ARHGEF12: variants seen among roughly 807,000 people sequenced by gnomAD.
The protein encoded by ARHGEF12 is KMT2A/ARHGEF12 fusion protein.
A neutral mutation model predicts 211.2 loss-of-function variants in ARHGEF12; 66 were observed. That is an observed-to-expected ratio of 0.31 (90% confidence interval 0.26 to 0.38). ARHGEF12 has a LOEUF of 0.38. ARHGEF12 is among the 10% of genes least tolerant of loss of function. The pLI, the probability that ARHGEF12 is intolerant of heterozygous loss-of-function variation, is 1.00. For synonymous variants in ARHGEF12, 592 were observed against 638.4 expected, an observed-to-expected ratio of 0.93 and a Z score of 1.09; for missense variants, 1,429 against 1,869.5, an observed-to-expected ratio of 0.76 and a Z score of 4.34.
intron 7 of ARHGEF12, among the ~76,000 whole-genome samples, 187 bp downstream of exon 7, chr11:120,424,602 C>G (rs1050853634): frequency 6.6e-6 from 1 of 152,164 alleles, no homozygotes; most frequent in Non-Finnish European, 1.5e-5. Context: ...TGTGGCTGAG[C>G]TTCAGTAAAA....
Position 120,489,390 on chromosome 11 carries a change from T to A in ARHGEF12, c.*4313T>A, listed in dbSNP as rs1947479064. ...ATTTGCTATTGTAACTATTTTTAAG[T>A]ATAAAGTTCAGTGAGGTAGGCCAGC... is the stretch of plus-strand genomic sequence containing the variant. On this transcript the variant is annotated 3_prime_UTR_variant, in exon 41 of 41. Coordinates refer to ENST00000397843, the MANE Select transcript of ARHGEF12 (RefSeq NM_015313.3). 4.5e-6 allele frequency: 1 copy of A among 224,418 alleles called. No individual in the cohort carries two copies. Among genetic ancestry groups the A allele is most frequent in the African/African-American group, 2.2e-5 (1 of 44,916 alleles). The allele number at this position is 224,418 out of a possible 1,614,324, so 13.9% of individuals were successfully genotyped here. A position where few individuals can be genotyped will look rare whatever the true frequency, so the allele number is the denominator to read the frequency against.
At chr11:120,337,873 A>G in intron 1 of ARHGEF12, 1 of 985,432 alleles carries the variant, frequency 1.0e-6, no homozygotes, top group Non-Finnish European at 1.2e-6. Context: ...AATGAGGGTA[A>G]ATCATGGGGT....
rs1458575928 is a variant in ARHGEF12, at chr11:120,485,284, A to C, written c.*207A>C. Reference sequence around the variant, plus strand: ...TGCACTAATCTGTTTGTGAGGGAATATCCATTCCCTCACTCTACTCTCCTC... The same window carrying C: ...TGCACTAATCTGTTTGTGAGGGAATCTCCATTCCCTCACTCTACTCTCCTC... On this transcript the variant is annotated 3_prime_UTR_variant, in exon 41 of 41. Transcript: ENST00000397843. The C allele has an allele frequency of 9.2e-6, 5 of 543,934 alleles. No individual in the cohort carries two copies. In the East Asian group the frequency reaches 1.5e-4, roughly 16 times the overall value. The allele number at this position is 543,934 out of a possible 1,614,324, so 33.7% of individuals were successfully genotyped here.
intron 1 of ARHGEF12, among the ~76,000 whole-genome samples, chr11:120,403,339 T>G (rs1018081853): frequency 5.3e-5 from 8 of 152,024 alleles, no homozygotes; most frequent in African/African-American, 1.7e-4. Flanking sequence ...AAACCCCGTC[T>G]CTACTAAAAA....
chr11:120,429,594 C>A, intron 9 of ARHGEF12, 77 bp downstream of exon 9: 1 of 1,565,546 alleles, frequency 6.4e-7, no homozygotes, highest in Non-Finnish European at 8.7e-7. Flanking sequence ...GTTTATCAGT[C>A]ACAATCAAGC....
At chr11:120,417,083 A>G (rs1945051678) in intron 4 of ARHGEF12, among the ~76,000 whole-genome samples, 1 of 152,156 alleles carries the variant, frequency 6.6e-6, no homozygotes, top group South Asian at 2.1e-4. Flanking sequence ...AACCCTTAAT[A>G]TTTGTTAGAC....
At chr11:120,447,125 G>A (rs1946069696) in intron 18 of ARHGEF12, 40 bp downstream of exon 18, 1 of 1,601,882 alleles carries the variant, frequency 6.2e-7, no homozygotes, top group African/African-American at 1.3e-5. Context: ...CCTCTCTGCT[G>A]AGATACTAGT....
intron 1 of ARHGEF12, among the ~76,000 whole-genome samples, chr11:120,363,796 G>T (rs936626392): frequency 6.6e-6 from 1 of 152,154 alleles, no homozygotes; most frequent in Non-Finnish European, 1.5e-5. Flanking sequence ...GAGTCCCTAG[G>T]CCAGATTCAG....
intron 1 of ARHGEF12, among the ~76,000 whole-genome samples, chr11:120,349,203 G>T (rs1399731530): frequency 6.6e-6 from 1 of 152,188 alleles, no homozygotes; most frequent in African/African-American, 2.4e-5. Context: ...TAAATTGGGT[G>T]TGTTGCCTGG....
In ARHGEF12 at chr11:120,337,236, G is replaced by C; in HGVS notation, c.-8G>C. 3 of 1,614,158 alleles carry C rather than the reference G, an allele frequency of 1.9e-6. No homozygotes were observed. The highest frequency in any genetic ancestry group is 2.5e-6 in the Non-Finnish European group (3 of 1,180,030). ...GGATAAAAGGAGGACCTCTCGCCAA[G>C]GGCCCCAATGAGTGGCACACAGTCT... On this transcript the variant is annotated 5_prime_UTR_variant, in exon 1 of 41. Transcript: ENST00000397843.
At position 120,431,764 on chromosome 11, in the gene ARHGEF12, GT is replaced by G. The variant is rs1420585632; in HGVS notation, c.784-3del. On this transcript the variant is annotated splice_polypyrimidine_tract_variant and splice_region_variant and intron_variant, in intron 10 of 40. Coordinates refer to ENST00000397843, the MANE Select transcript of ARHGEF12 (RefSeq NM_015313.3). ...GTGTGCGCGTGTTTTTCTTTCATCT[GT>G]TTTAGGATGGAGCTGTAGTTACACC... 2.5e-6 allele frequency: 4 copies of G among 1,583,528 alleles called. No homozygotes were observed. The Admixed American group carries it at 5.8e-5, about 23-fold the overall frequency.
intron 1 of ARHGEF12, among the ~76,000 whole-genome samples, chr11:120,400,448 T>G (rs1007111550): frequency 2.0e-5 from 3 of 152,190 alleles, no homozygotes; most frequent in Admixed American, 2.0e-4. Flanking sequence ...TGTTTAAGTA[T>G]TTTGAGGATC....
intron 28 of ARHGEF12, among the ~76,000 whole-genome samples, chr11:120,465,594 G>A (rs772552922): frequency 6.6e-6 from 1 of 152,032 alleles, no homozygotes; most frequent in Non-Finnish European, 1.5e-5. Flanking sequence ...AGCCTTCCTA[G>A]TAGTTAGGAT....
In ARHGEF12 at chr11:120,420,900, T is replaced by G. The variant is rs756408416; in HGVS notation, c.298+49T>G. 6.9e-5 allele frequency: 103 copies of G among 1,492,344 alleles called. 1 individual carries two copies. The South Asian group carries it at 9.7e-4, about 14-fold the overall frequency. 92.4% of individuals were successfully genotyped at this position (1,492,344 alleles called of 1,614,324 possible). On this transcript the variant is annotated intron_variant, in intron 5 of 40. Transcript: ENST00000397843. ...TATCACTCAGTAAACAGAGTAAGAA[T>G]AGAAAAGCTTAAATAATGGCAATTG...
chr11:120,445,499 A>G (rs1367338760), intron 16 of ARHGEF12, 35 bp downstream of exon 16: 12 of 1,597,680 alleles, frequency 7.5e-6, no homozygotes, highest in African/African-American at 1.3e-5. Context: ...GGAGAATTAC[A>G]TCTTAATAGA....
intron 1 of ARHGEF12, among the ~76,000 whole-genome samples, chr11:120,386,981 C>G (rs189880453): frequency 1.4e-3 from 207 of 152,088 alleles, no homozygotes; most frequent in Admixed American, 2.9e-3. Context: ...TTTGACATCA[C>G]AAATAGTGAT....
At chr11:120,478,743 G>A (rs942483409) in intron 37 of ARHGEF12, among the ~76,000 whole-genome samples, 1 of 152,160 alleles carries the variant, frequency 6.6e-6, no homozygotes, top group African/African-American at 2.4e-5. Flanking sequence ...GGCTGAAAGC[G>A]GTGGAAGGAT....
chr11:120,434,023 C>T (rs1431523772), intron 11 of ARHGEF12, among the ~76,000 whole-genome samples: 1 of 152,046 alleles, frequency 6.6e-6, no homozygotes, highest in Admixed American at 6.6e-5. Context: ...TCAATTAAGA[C>T]TGTTTGACAT....
chr11:120,445,544 G>T, intron 16 of ARHGEF12, 80 bp downstream of exon 16: 1 of 1,360,252 alleles, frequency 7.4e-7, no homozygotes, highest in Non-Finnish European at 1.1e-6. Flanking sequence ...GGTTTTATCT[G>T]TCACATGGTG....
Sources: allele counts gnomAD v4.1 joint callset (sites outside exome capture counted in the v4.1 genomes callset), GRCh38; gene constraint gnomAD v4.1.1; transcripts MANE v1.5; gene names NCBI Gene and HGNC (gene_info 2026-07-23, HGNC 2026-07-21).